The following BCL11A variants were observed in gnomAD, a reference collection of about 807,000 sequenced individuals.
BCL11A encodes the protein B cell CLL/lymphoma 11A.
In BCL11A, 2 loss-of-function variants were observed where a neutral mutation model predicts 55.9. That is an observed-to-expected ratio of 0.04 (90% CI 0.01 to 0.11). BCL11A has a LOEUF of 0.11. Ranked by LOEUF, BCL11A falls within the 10% of genes least tolerant of loss-of-function variation. The pLI is 1.00. For synonymous variants in BCL11A, 465 were observed against 473.4 expected (o/e 0.98, Z 0.23); for missense variants, 817 against 1,137.1 (o/e 0.72, Z 4.05).
At chr2:60,473,489 T>C (rs1015820924) in intron 2 of BCL11A, among the ~76,000 whole-genome samples, 3 of 152,178 alleles carry the variant, frequency 2.0e-5, no homozygotes, top group Non-Finnish European at 4.4e-5. Flanking sequence ...TAGACTACAC[T>C]TAAAATGCAT....
intron 2 of BCL11A, chr2:60,541,659 G>C (rs1669931298): frequency 2.6e-6 from 1 of 384,726 alleles, no homozygotes; most frequent in African/African-American, 2.1e-5. Flanking sequence ...GAAAATCCTA[G>C]GTACTTATTA....
In BCL11A at chr2:60,472,523, C is replaced by G. The variant is rs144240491; in HGVS notation, c.386-3690G>C. ...ATTAGGTTGCAAAGTTTCCTTATGG[C>G]TGAATTTAAAAATAGTGACTCTTAT... On this transcript the variant is annotated intron_variant, in intron 2 of 3. Transcript: ENST00000642384. Among the ~76,000 whole-genome samples, 64 of 152,268 alleles carry G rather than the reference C, an allele frequency of 4.2e-4. No individual in the cohort carries two copies. In the East Asian group the frequency reaches 0.011, roughly 27 times the overall value.
intron 2 of BCL11A, among the ~76,000 whole-genome samples, chr2:60,494,900 T>C (rs569030064): frequency 6.6e-5 from 10 of 152,186 alleles, no homozygotes; most frequent in African/African-American, 2.2e-4. Context: ...AGGAAAAGAA[T>C]ATGACGTCAG....
At chr2:60,547,145 A>C (rs1470575691) in intron 1 of BCL11A, among the ~76,000 whole-genome samples, 1 of 152,178 alleles carries the variant, frequency 6.6e-6, no homozygotes, top group Non-Finnish European at 1.5e-5. Flanking sequence ...ATAATATTCT[A>C]AACATGTTTG....
At chr2:60,527,299 TTTTATCATTTCAGC>T (rs542907600) in intron 2 of BCL11A, 2 of 152,222 alleles carry the variant, frequency 1.3e-5, no homozygotes, top group Non-Finnish European at 2.9e-5. Context: ...ATGATACGCC[TTTTATCATTTCAGC>T]TTTATCATTT....
At position 60,461,785 on chromosome 2, in the gene BCL11A, G is replaced by C. The variant is rs1411217028; in HGVS notation, c.1127C>G (p.Ser376Cys). 1 of 1,610,002 alleles carries C rather than the reference G, an allele frequency of 6.2e-7. No individual in the cohort carries two copies. Among genetic ancestry groups the C allele is most frequent in the East Asian group, 2.2e-5 (1 of 44,554 alleles). ...CTTGCCGCAGAACTCGCATGACTTG[G>C]ACTTGACCGGGGGCTGGGAGGGAGG... Reference protein sequence around the residue: ...APPPSQPPVKSKSCEFCGKTF... With the variant: ...APPPSQPPVKCKSCEFCGKTF... Residue 376 changes from serine to cysteine, a missense_variant, in exon 4 of 4, where the codon TCC becomes TGC. This residue lies in a region of BCL11A where 45 missense variants were observed against 109.0 expected (regional missense o/e 0.41). Transcript: ENST00000642384.
Position 60,458,693 on chromosome 2 carries a change from AC to A in BCL11A, c.*1710del, listed in dbSNP as rs1369202460. On this transcript the variant is annotated 3_prime_UTR_variant, in exon 4 of 4. Coordinates refer to ENST00000642384, the MANE Select transcript of BCL11A (RefSeq NM_022893.4). ...CTTGCAACTTTTCCCTTAAGTATAG[AC>A]CTGTAAACTGGGAAAATTGTACAGT... is the stretch of plus-strand genomic sequence containing the variant. The A allele has an allele frequency of 9.7e-7, 1 of 1,028,896 alleles. No individual in the cohort carries two copies. The highest frequency in any genetic ancestry group is 1.2e-6 in the Non-Finnish European group (1 of 855,978). The allele number at this position is 1,028,896 out of a possible 1,614,324, so 63.7% of individuals were successfully genotyped here. A position where few individuals can be genotyped will look rare whatever the true frequency, so the allele number is the denominator to read the frequency against.
intron 2 of BCL11A, among the ~76,000 whole-genome samples, chr2:60,514,995 C>G (rs1465685383): frequency 6.6e-6 from 1 of 152,190 alleles, no homozygotes; most frequent in Non-Finnish European, 1.5e-5. Flanking sequence ...CTCAGCCGTT[C>G]TCCCTCTGGT....
chr2:60,552,421 T>TCGGCGG (rs886675800), intron 1 of BCL11A, among the ~76,000 whole-genome samples: 4 of 151,510 alleles, frequency 2.6e-5, no homozygotes, highest in East Asian at 3.9e-4. Flanking sequence ...CTCCTGCCCT[T>TCGGCGG]CGGCGGCGGC....
chr2:60,526,780 T>A (rs1669221839), intron 2 of BCL11A: 1 of 152,220 alleles, frequency 6.6e-6, no homozygotes, highest in Non-Finnish European at 1.5e-5. Flanking sequence ...AAAGTCATGA[T>A]GAAACAAATA....
At chr2:60,520,035 T>G (rs1668908956) in intron 2 of BCL11A, among the ~76,000 whole-genome samples, 1 of 152,214 alleles carries the variant, frequency 6.6e-6, no homozygotes, top group Non-Finnish European at 1.5e-5. Flanking sequence ...GGCCTAAATT[T>G]TCATTTATGC....
chr2:60,523,068 C>T (rs1469905193), intron 2 of BCL11A, among the ~76,000 whole-genome samples: 3 of 152,168 alleles, frequency 2.0e-5, no homozygotes, highest in Non-Finnish European at 4.4e-5. Context: ...GCTTGTTGGA[C>T]TTAATATCTT....
chr2:60,462,477 A>G, intron 3 of BCL11A, 53 bp from the exon 4 acceptor site: 3 of 1,552,294 alleles, frequency 1.9e-6, no homozygotes, highest in Non-Finnish European at 2.6e-6. Flanking sequence ...GGCGGGCATC[A>G]GCAATTGCTT....
At chr2:60,523,464 G>C (rs534231877) in intron 2 of BCL11A, among the ~76,000 whole-genome samples, 57 of 152,150 alleles carry the variant, frequency 3.7e-4, no homozygotes, top group African/African-American at 1.3e-3. Context: ...ATGGAATCAT[G>C]GTGAATTCTA....
intron 3 of BCL11A, among the ~76,000 whole-genome samples, chr2:60,465,814 CA>C (rs1405717700): frequency 1.3e-5 from 2 of 152,176 alleles, no homozygotes; most frequent in African/African-American, 4.8e-5. Context: ...TCATTACTAC[CA>C]GGGGTGATTA....
chr2:60,512,606 G>C (rs1235073553), intron 2 of BCL11A, among the ~76,000 whole-genome samples: 1 of 152,198 alleles, frequency 6.6e-6, no homozygotes, highest in Non-Finnish European at 1.5e-5. Context: ...GATGGTATCT[G>C]CCTCTCCTCT....
intron 2 of BCL11A, among the ~76,000 whole-genome samples, chr2:60,477,033 C>A (rs1243830305): frequency 6.6e-6 from 1 of 152,200 alleles, no homozygotes; most frequent in African/African-American, 2.4e-5. Context: ...AAACGTATCA[C>A]AAACACCCCG....
chr2:60,538,037 T>C (rs953670888), intron 2 of BCL11A: 2 of 152,224 alleles, frequency 1.3e-5, no homozygotes, highest in African/African-American at 2.4e-5. Context: ...TTCATCAACA[T>C]ACCTGCTCCA....
chr2:60,540,952 G>GTGTGTC (rs1669896807), intron 2 of BCL11A, among the ~76,000 whole-genome samples: 1 of 140,490 alleles, frequency 7.1e-6, no homozygotes, highest in South Asian at 2.2e-4. Context: ...GGTTTTGTGT[G>GTGTGTC]TGTGTGTGTG....
Sources: allele counts gnomAD v4.1 joint callset (sites outside exome capture counted in the v4.1 genomes callset), GRCh38; gene constraint gnomAD v4.1.1; regional missense constraint gnomAD v4.1.1; transcripts MANE v1.5; gene names NCBI Gene and HGNC (gene_info 2026-07-23, HGNC 2026-07-21).